The following CSMD3 variants were observed in gnomAD, a reference collection of about 807,000 sequenced individuals.
The protein encoded by CSMD3 is CUB and sushi domain-containing protein 3.
CSMD3 carries 177 observed loss-of-function variants against 435.2 expected under a neutral mutation model. That is an observed-to-expected ratio of 0.41 (90% CI 0.36 to 0.46). The LOEUF (loss-of-function observed/expected upper bound fraction) is 0.46. CSMD3 is among the 20% of genes least tolerant of loss of function. CSMD3 has a pLI of 0.34. For synonymous variants in CSMD3, 1,656 were observed against 1,520.5 expected, an observed-to-expected ratio of 1.09 and a Z score of -2.07; for missense variants, 4,265 against 4,504.6, an observed-to-expected ratio of 0.95 and a Z score of 1.52.
At chr8:112,475,758 T>C (rs917188137) in intron 31 of CSMD3, among the ~76,000 whole-genome samples, 3 of 152,144 alleles carry the variant, frequency 2.0e-5, no homozygotes, top group Non-Finnish European at 2.9e-5. Context: ...CTTTTTATAT[T>C]CTTACTTTCT....
chr8:112,504,684 T>C (rs952572109), intron 29 of CSMD3, among the ~76,000 whole-genome samples: 1 of 152,166 alleles, frequency 6.6e-6, no homozygotes, highest in African/African-American at 2.4e-5. Context: ...TTCAAATCAG[T>C]TGTGTTAATA....
At chr8:112,582,110 C>T (rs547047758) in intron 23 of CSMD3, among the ~76,000 whole-genome samples, 8 of 152,136 alleles carry the variant, frequency 5.3e-5, no homozygotes, top group African/African-American at 1.2e-4. Context: ...GCAGAACCTT[C>T]GTGAATGGTT....
Position 113,432,618 on chromosome 8 carries a change from G to A in CSMD3, c.178+4059C>T, listed in dbSNP as rs376641248. ...CTTTCCGTCGTCGTTGAACGGATCT[G>A]GGGGACGGGGACGTTGCAGAGGAGC... On this transcript the variant is annotated intron_variant, in intron 1 of 70. Transcript: ENST00000297405. Among the ~76,000 whole-genome samples the A allele has an allele frequency of 4.7e-4, 71 of 152,288 alleles. No homozygotes were observed. In the South Asian group the frequency reaches 0.015, roughly 32 times the overall value.
At position 113,429,526 on chromosome 8, in the gene CSMD3, A is replaced by G. The variant is rs146474140; in HGVS notation, c.178+7151T>C. 2.8e-3 allele frequency among the ~76,000 whole-genome samples: 426 copies of G among 152,162 alleles called. 1 individual carries two copies. Among genetic ancestry groups the G allele is most frequent in the African/African-American group, 9.7e-3 (402 of 41,558 alleles). On this transcript the variant is annotated intron_variant, in intron 1 of 70. Coordinates refer to ENST00000297405, the MANE Select transcript of CSMD3 (RefSeq NM_198123.2). ...AGAAATAAACTTTACTGAAGATACA[A>G]TTAGTTTATTTGAAGTACACATTAT...
chr8:113,063,084 A>C (rs2088687678), intron 5 of CSMD3, among the ~76,000 whole-genome samples: 1 of 151,724 alleles, frequency 6.6e-6, no homozygotes, highest in Admixed American at 6.6e-5. Flanking sequence ...AAAAAAATTC[A>C]AATGTTTCAA....
chr8:112,971,073 T>C (rs961652456), intron 7 of CSMD3, among the ~76,000 whole-genome samples: 1 of 152,174 alleles, frequency 6.6e-6, no homozygotes, highest in African/African-American at 2.4e-5. Flanking sequence ...CTTTGACTCA[T>C]ATTTAGAGGT....
chr8:112,641,608 G>A (rs533158988), intron 20 of CSMD3, among the ~76,000 whole-genome samples: 11 of 152,156 alleles, frequency 7.2e-5, no homozygotes, highest in Admixed American at 3.9e-4. Context: ...AGGCCTAGAC[G>A]GGTGGATTGC....
intron 5 of CSMD3, among the ~76,000 whole-genome samples, chr8:113,057,168 C>T (rs914534328): frequency 6.6e-6 from 1 of 152,170 alleles, no homozygotes; most frequent in Non-Finnish European, 1.5e-5. Flanking sequence ...GCCCTCCCTA[C>T]TGCAGTTCAC....
At chr8:113,228,346 T>C (rs2093050195) in intron 3 of CSMD3, among the ~76,000 whole-genome samples, 1 of 151,618 alleles carries the variant, frequency 6.6e-6, no homozygotes, top group South Asian at 2.1e-4. Context: ...TAGTGCTTTG[T>C]ATTTCAAAAT....
chr8:112,885,099 GGTA>G (rs2081552929), intron 10 of CSMD3, among the ~76,000 whole-genome samples: 2 of 151,486 alleles, frequency 1.3e-5, no homozygotes, highest in Admixed American at 1.3e-4. Context: ...TTTCTTCCTT[GGTA>G]TACTGTGAGC....
chr8:113,322,890 T>C (rs2093958372), intron 1 of CSMD3, among the ~76,000 whole-genome samples: 1 of 152,060 alleles, frequency 6.6e-6, no homozygotes, highest in South Asian at 2.1e-4. Context: ...GGATTACAGG[T>C]GCCCGCCACC....
chr8:112,389,217 T>G (rs551331646), intron 36 of CSMD3, among the ~76,000 whole-genome samples: 8 of 152,118 alleles, frequency 5.3e-5, no homozygotes, highest in Non-Finnish European at 1.2e-4. Flanking sequence ...ATGTCAGGGT[T>G]TTCAAAATTT....
At chr8:112,896,228 T>G (rs937253731) in intron 10 of CSMD3, among the ~76,000 whole-genome samples, 4 of 151,348 alleles carry the variant, frequency 2.6e-5, no homozygotes, top group African/African-American at 9.7e-5. Context: ...CACATGTGGG[T>G]GTTCTGGCCA....
At chr8:113,219,710 T>G (rs143036556) in intron 3 of CSMD3, among the ~76,000 whole-genome samples, 240 of 151,476 alleles carry the variant, frequency 1.6e-3, no homozygotes, top group African/African-American at 5.7e-3. Flanking sequence ...GAAGAAAAAT[T>G]TATTAAATTC....
At chr8:112,768,585 T>C (rs1563941787) in intron 13 of CSMD3, among the ~76,000 whole-genome samples, 1 of 151,932 alleles carries the variant, frequency 6.6e-6, no homozygotes, top group East Asian at 1.9e-4. Context: ...CTGAGTTACA[T>C]TCTGGCACAA....
Position 112,257,918 on chromosome 8 carries a change from G to A in CSMD3, c.9863-2491C>T, listed in dbSNP as rs186331742. 1.1e-4 allele frequency among the ~76,000 whole-genome samples: 17 copies of A among 152,248 alleles called. No individual in the cohort carries two copies. In the South Asian group the frequency reaches 1.2e-3, roughly 11 times the overall value. On this transcript the variant is annotated intron_variant, in intron 61 of 70. Transcript: ENST00000297405. Reference sequence around the variant, plus strand: ...ACAGTAACCAAAACAGCATGTTACTGCTACCAAAACAGATATATAGACCAA... The same window carrying A: ...ACAGTAACCAAAACAGCATGTTACTACTACCAAAACAGATATATAGACCAA...
chr8:112,494,186 C>G (rs1820983541), intron 30 of CSMD3, among the ~76,000 whole-genome samples: 1 of 151,958 alleles, frequency 6.6e-6, no homozygotes, highest in African/African-American at 2.4e-5. Flanking sequence ...CCCAATTCAA[C>G]TAAAGAGGAA....
At chr8:112,749,188 G>A (rs556028806) in intron 13 of CSMD3, among the ~76,000 whole-genome samples, 1 of 152,096 alleles carries the variant, frequency 6.6e-6, no homozygotes, top group South Asian at 2.1e-4. Context: ...TGATGGGATT[G>A]TATGTTTTCC....
intron 24 of CSMD3, among the ~76,000 whole-genome samples, chr8:112,562,352 T>C (rs1828702132): frequency 6.6e-6 from 1 of 151,622 alleles, no homozygotes; most frequent in Admixed American, 6.6e-5. Flanking sequence ...ATATTTTAAG[T>C]AACTTAAAAA....
Sources: gnomAD v4.1 joint callset for allele counts (sites outside exome capture counted in the v4.1 genomes callset) on GRCh38, gnomAD v4.1.1 for gene constraint, MANE v1.5 for transcripts, NCBI Gene and HGNC (gene_info 2026-07-23, HGNC 2026-07-21) for gene names.